The following LRRC4C variants were observed in gnomAD, a reference collection of about 807,000 sequenced individuals.
LRRC4C encodes the protein leucine-rich repeat-containing protein 4C.
A neutral mutation model predicts 33.6 loss-of-function variants in LRRC4C; 5 were observed. The ratio of observed to expected loss-of-function variants is 0.15; its 90% CI spans 0.08 to 0.31. LRRC4C has a LOEUF of 0.31. Ranked by LOEUF, LRRC4C falls within the 10% of genes least tolerant of loss-of-function variation. LRRC4C has a pLI of 1.00. For synonymous variants in LRRC4C, 329 were observed against 302.0 expected (o/e 1.09, Z -0.93); for missense variants, 560 against 796.7 (o/e 0.70, Z 3.58).
At chr11:41,422,981 A>G (rs527860916) in intron 1 of LRRC4C, among the ~76,000 whole-genome samples, 2 of 152,224 alleles carry the variant, frequency 1.3e-5, no homozygotes, top group African/African-American at 4.8e-5. Context: ...ATTCATTTCT[A>G]TTTAATTTCA....
intron 1 of LRRC4C, among the ~76,000 whole-genome samples, chr11:40,945,799 C>T (rs182716703): frequency 8.0e-4 from 122 of 152,256 alleles, no homozygotes; most frequent in Middle Eastern, 3.4e-3. Context: ...ACAGTACAAA[C>T]CACACCATCA....
intron 2 of LRRC4C, among the ~76,000 whole-genome samples, chr11:40,652,260 T>C (rs545962040): frequency 6.6e-6 from 1 of 152,266 alleles, no homozygotes; most frequent in South Asian, 2.1e-4. Flanking sequence ...ATATCTAGGA[T>C]CTAAAAACAT....
chr11:40,131,555 C>A (rs1856644476), intron 6 of LRRC4C, among the ~76,000 whole-genome samples: 2 of 152,110 alleles, frequency 1.3e-5, no homozygotes, highest in Admixed American at 6.5e-5. Context: ...GCTGCTTACA[C>A]AACTAAGCAG....
chr11:40,325,560 A>G (rs1303331236), intron 3 of LRRC4C, among the ~76,000 whole-genome samples: 1 of 152,036 alleles, frequency 6.6e-6, no homozygotes, highest in Admixed American at 6.6e-5. Context: ...CCCAGAAGAT[A>G]GAGGCTGCAG....
Position 40,706,639 on chromosome 11 carries a change from A to G in LRRC4C, c.-406-58361T>C, listed in dbSNP as rs561087354. ...CTTGCAGTATAGTTTGAAGTCAGGT[A>G]GCCTGATGCCTCCAGCTTTGTTCTT... On this transcript the variant is annotated intron_variant, in intron 2 of 6. Coordinates refer to ENST00000528697, the MANE Select transcript of LRRC4C (RefSeq NM_001258419.2). Among the ~76,000 whole-genome samples the G allele has an allele frequency of 2.0e-5, 3 of 152,286 alleles. No individual in the cohort carries two copies. In the South Asian group the frequency reaches 6.2e-4, roughly 32 times the overall value.
intron 2 of LRRC4C, among the ~76,000 whole-genome samples, chr11:40,767,943 C>A (rs543658560): frequency 6.6e-6 from 1 of 151,486 alleles, no homozygotes; most frequent in Non-Finnish European, 1.5e-5. Context: ...AAACCCAAAC[C>A]ATTTCTTCTT....
intron 1 of LRRC4C, among the ~76,000 whole-genome samples, chr11:41,163,149 A>G (rs934505570): frequency 6.6e-6 from 1 of 151,938 alleles, no homozygotes; most frequent in Non-Finnish European, 1.5e-5. Flanking sequence ...ACCTCCCTCC[A>G]TGATTCTGAT....
intron 1 of LRRC4C, among the ~76,000 whole-genome samples, chr11:41,054,782 T>C (rs899986881): frequency 2.0e-5 from 3 of 152,174 alleles, no homozygotes; most frequent in African/African-American, 7.2e-5. Flanking sequence ...TCCTATGCAG[T>C]GTACAGTCCA....
At chr11:40,965,297 A>T (rs1041237440) in intron 1 of LRRC4C, among the ~76,000 whole-genome samples, 1 of 151,922 alleles carries the variant, frequency 6.6e-6, no homozygotes, top group Non-Finnish European at 1.5e-5. Context: ...GGTTACAAAA[A>T]TTTTCTCCCA....
At chr11:40,295,091 A>G (rs1338066885) in intron 4 of LRRC4C, among the ~76,000 whole-genome samples, 2 of 152,134 alleles carry the variant, frequency 1.3e-5, no homozygotes, top group Non-Finnish European at 2.9e-5. Flanking sequence ...CTTTTCCATT[A>G]ACTCGTGTTA....
At chr11:40,293,265 A>C (rs1944320385) in intron 4 of LRRC4C, 1 of 151,416 alleles carries the variant, frequency 6.6e-6, no homozygotes, top group Non-Finnish European at 1.5e-5. Context: ...AGCTGTCAAG[A>C]AGAAACCCAT....
chr11:40,987,640 TA>T (rs1300379037), intron 1 of LRRC4C, among the ~76,000 whole-genome samples: 3 of 70,048 alleles, frequency 4.3e-5, no homozygotes, highest in Admixed American at 3.2e-4. Context: ...GATATATATA[TA>T]TATATATATA....
intron 2 of LRRC4C, among the ~76,000 whole-genome samples, chr11:40,746,855 C>G (rs1948453276): frequency 6.6e-6 from 1 of 152,166 alleles, no homozygotes; most frequent in Non-Finnish European, 1.5e-5. Context: ...TGGACACTGG[C>G]CCACTCAATT....
rs1217714729 is a variant in LRRC4C, at chr11:41,123,261, G to GTTTTT, written c.-495-189543_-495-189539dup. Among the ~76,000 whole-genome samples, 140 of 48,054 alleles carry GTTTTT rather than the reference G, an allele frequency of 2.9e-3. 2 individuals are homozygous for GTTTTT. Among genetic ancestry groups the GTTTTT allele is most frequent in the African/African-American group, 7.1e-3 (123 of 17,284 alleles). 31.5% of individuals were successfully genotyped at this position (48,054 alleles called of 152,430 possible). ...CTTTCTCTATCCTGAGCTATGTTTT[G>GTTTTT]TTTTTTTTTTTTTTTTTTTTTTTTT... is the stretch of plus-strand genomic sequence containing the variant. On this transcript the variant is annotated intron_variant, in intron 1 of 6. Coordinates refer to ENST00000528697, the MANE Select transcript of LRRC4C (RefSeq NM_001258419.2).
At chr11:40,227,300 T>C (rs1864874968) in intron 5 of LRRC4C, among the ~76,000 whole-genome samples, 2 of 152,234 alleles carry the variant, frequency 1.3e-5, no homozygotes, top group Non-Finnish European at 2.9e-5. Context: ...AAACATCCTA[T>C]ATTTATCTCT....
At chr11:40,533,766 T>C (rs1488991457) in intron 3 of LRRC4C, among the ~76,000 whole-genome samples, 1 of 152,124 alleles carries the variant, frequency 6.6e-6, no homozygotes, top group African/African-American at 2.4e-5. Flanking sequence ...AGCCTTTTGA[T>C]AGGTTCCTGA....
intron 1 of LRRC4C, among the ~76,000 whole-genome samples, chr11:41,062,704 C>T (rs1286787016): frequency 6.6e-6 from 1 of 152,100 alleles, no homozygotes; most frequent in African/African-American, 2.4e-5. Context: ...TGGAATGTGA[C>T]ATTGTTTGAA....
chr11:41,165,147 G>A (rs371516012), intron 1 of LRRC4C, among the ~76,000 whole-genome samples: 20 of 152,100 alleles, frequency 1.3e-4, no homozygotes, highest in Middle Eastern at 3.4e-3. Context: ...TGGGACCTTC[G>A]CAGCCTCCAC....
At chr11:41,336,835 T>C (rs1020100377) in intron 1 of LRRC4C, among the ~76,000 whole-genome samples, 20 of 152,134 alleles carry the variant, frequency 1.3e-4, no homozygotes, top group African/African-American at 4.6e-4. Context: ...GACTTTTATG[T>C]TGGGATCCAT....
Sources: allele counts gnomAD v4.1 joint callset (sites outside exome capture counted in the v4.1 genomes callset), GRCh38; gene constraint gnomAD v4.1.1; transcripts MANE v1.5; gene names NCBI Gene and HGNC (gene_info 2026-07-23, HGNC 2026-07-21).